The following TFE3 variants were observed in gnomAD, a reference collection of about 807,000 sequenced individuals.
TFE3 encodes the protein transcription factor E3.
A neutral mutation model predicts 35.0 loss-of-function variants in TFE3; 5 were observed. The ratio of observed to expected loss-of-function variants is 0.14; its 90% confidence interval spans 0.07 to 0.30. TFE3 has a LOEUF of 0.30. Ranked by LOEUF, TFE3 falls within the 10% of genes least tolerant of loss-of-function variation. TFE3 has a pLI of 1.00. For missense variants in TFE3, 374 were observed against 496.6 expected (o/e 0.75, Z 2.35); for synonymous variants, 211 against 215.6 (o/e 0.98, Z 0.18).
chrX:49,032,807 G>A (rs1211400250), intron 8 of TFE3, among the ~76,000 whole-genome samples: 5 of 108,050 alleles, frequency 4.6e-5, no homozygotes, highest in African/African-American at 1.4e-4. Flanking sequence ...CCCGAGTAGC[G>A]GGGATTACAG....
chrX:49,030,412 G>T lies in TFE3; in HGVS notation c.1474C>A (p.Pro492Thr), dbSNP rs782790681. The change falls in exon 10 of 10, where the codon CCC (proline) becomes ACC (threonine). Residue 492 changes from proline to threonine, a missense_variant. This residue lies in a region of TFE3 where 117 missense variants were observed against 111.9 expected (regional missense o/e 1.05). Transcript: ENST00000315869. Reference protein sequence around the residue: ...GPAQNAPHQQPPAPPSDALLD... With the variant: ...GPAQNAPHQQTPAPPSDALLD... ...AGGGCATCTGAGGGCGGTGCAGGGG[G>T]CTGCTGATGGGGAGCATTCTGGGCA... 2.2e-5 allele frequency: 27 copies of T among 1,209,068 alleles called. No homozygotes were observed. The highest frequency in any genetic ancestry group is 2.9e-5 in the Non-Finnish European group (26 of 894,906).
Position 49,030,038 on chromosome X carries a change from C to T in TFE3, c.*120G>A. 1.3e-6 allele frequency: 1 copy of T among 795,326 alleles called. No individual in the cohort carries two copies. The highest frequency in any genetic ancestry group is 1.8e-6 in the Non-Finnish European group (1 of 547,814). 65.5% of individuals were successfully genotyped at this position (795,326 alleles called of 1,213,427 possible). A position where few individuals can be genotyped will look rare whatever the true frequency, so the allele number is the denominator to read the frequency against. On this transcript the variant is annotated 3_prime_UTR_variant, in exon 10 of 10. Coordinates refer to ENST00000315869, the MANE Select transcript of TFE3 (RefSeq NM_006521.6). ...GGGGTGGGGCCTGATCACATCTCCT[C>T]TTCCCCCAGGATACCTGGGCAGGGC...
chrX:49,032,935 G>A (rs782537140), intron 8 of TFE3, among the ~76,000 whole-genome samples: 1 of 111,705 alleles, frequency 9.0e-6, no homozygotes, highest in Non-Finnish European at 1.9e-5. Flanking sequence ...CAAAGTGCCA[G>A]GATTACAAGT....
intron 1 of TFE3, among the ~76,000 whole-genome samples, chrX:49,041,993 A>C (rs3788818): frequency 1.2e-5 from 1 of 85,069 alleles, no homozygotes; most frequent in East Asian, 4.1e-4. Context: ...GCTCAGCACA[A>C]TCCCAGGCAC....
intron 1 of TFE3, among the ~76,000 whole-genome samples, chrX:49,041,275 A>C (rs1460526539): frequency 9.4e-6 from 1 of 105,974 alleles, no homozygotes; most frequent in Non-Finnish European, 1.9e-5. Flanking sequence ...GCCCAGGTAT[A>C]TGTGTGTACA....
chrX:49,040,513 C>T lies in TFE3; in HGVS notation c.172G>A (p.Val58Ile), dbSNP rs1557075550. 2.5e-6 allele frequency: 3 copies of T among 1,210,994 alleles called. No individual in the cohort carries two copies. Among genetic ancestry groups the T allele is most frequent in the African/African-American group, 1.7e-5 (1 of 57,585 alleles). Residue 58 changes from valine (V) to isoleucine (I), a missense_variant, in exon 2 of 10, where the codon GTC becomes ATC. This residue lies in a region of TFE3 where 90 missense variants were observed against 87.5 expected (regional missense o/e 1.03). Transcript: ENST00000315869. ...TCGTAGAAGCTGTCAGGATCAAGGA[C>T]GTTTTCTAATTCTATGTCAGCAACA... ...GIVADIELEN[V>I]LDPDSFYELK...
chrX:49,037,131 C>T (rs1037019442), intron 5 of TFE3, among the ~76,000 whole-genome samples: 1 of 110,830 alleles, frequency 9.0e-6, no homozygotes, highest in South Asian at 3.8e-4. Flanking sequence ...GGGTGAAACC[C>T]GGTCTCTACT....
rs1557076019 is a variant in TFE3 at position 49,043,198 on chromosome X, T to A, written c.29A>T (p.Asp10Val). Reference sequence around the variant, plus strand: ...GCCCTCCGCGCTGGCCTCTACGCCATCCCGAGCTGGTTCGGCCGCATGAGA... The same window carrying A: ...GCCCTCCGCGCTGGCCTCTACGCCAACCCGAGCTGGTTCGGCCGCATGAGA... MSHAAEPAR[D>V]GVEASAEGPR... Residue 10 changes from aspartate (D) to valine (V), a missense_variant, in exon 1 of 10, where the codon GAT (aspartate) becomes GTT (valine). Coordinates refer to ENST00000315869, the MANE Select transcript of TFE3 (RefSeq NM_006521.6). The A allele has an allele frequency of 8.5e-7, 1 of 1,177,840 alleles. No individual in the cohort carries two copies. The highest frequency in any genetic ancestry group is 1.8e-5 in the African/African-American group (1 of 56,913).
chrX:49,040,380 G>C, intron 2 of TFE3, 75 bp downstream of exon 2: 1 of 797,632 alleles, frequency 1.3e-6, no homozygotes, highest in Middle Eastern at 2.9e-4. Context: ...CTGGTACTGA[G>C]GGCCTCTGCC....
chrX:49,035,508 G>A (rs1205113092), intron 5 of TFE3, among the ~76,000 whole-genome samples: 2 of 87,894 alleles, frequency 2.3e-5, no homozygotes, highest in African/African-American at 8.6e-5. Flanking sequence ...CCGGGTTCAC[G>A]CCATTCTCCT....
Position 49,028,987 on chromosome X carries a change from A to C in TFE3, c.*1171T>G. The C allele has an allele frequency of 1.7e-5, 3 of 173,846 alleles. No homozygotes were observed. The highest frequency in any genetic ancestry group is 3.3e-5 in the Non-Finnish European group (3 of 90,443). 14.3% of individuals were successfully genotyped at this position (173,846 alleles called of 1,213,427 possible). On this transcript the variant is annotated 3_prime_UTR_variant, in exon 10 of 10. Coordinates refer to ENST00000315869, the MANE Select transcript of TFE3 (RefSeq NM_006521.6). Reference sequence around the variant, plus strand: ...TTCTCAGTATGCGGAGCAATAAAAAAATCAGATAAACAAATGAGGGGGTAC... The same window carrying C: ...TTCTCAGTATGCGGAGCAATAAAAACATCAGATAAACAAATGAGGGGGTAC...
intron 8 of TFE3, among the ~76,000 whole-genome samples, chrX:49,032,296 A>T (rs1314905583): frequency 9.0e-6 from 1 of 110,996 alleles, no homozygotes; most frequent in African/African-American, 3.3e-5. Context: ...GAGCAGTGGC[A>T]CAATCTTGGC....
chrX:49,032,625 C>A (rs1557073937), intron 8 of TFE3, among the ~76,000 whole-genome samples: 1 of 110,814 alleles, frequency 9.0e-6, no homozygotes, highest in East Asian at 2.8e-4. Flanking sequence ...CCCGCCTCGG[C>A]CTCCCAAAGT....
chrX:49,033,929 A>T, intron 6 of TFE3, 147 bp from the exon 7 acceptor site: 1 of 725,743 alleles, frequency 1.4e-6, no homozygotes, highest in Non-Finnish European at 2.1e-6. Flanking sequence ...CCATGGTGAT[A>T]GGCTGGTTGT....
chrX:49,031,190 A>T (rs1194269937), intron 9 of TFE3, among the ~76,000 whole-genome samples: 1 of 112,110 alleles, frequency 8.9e-6, no homozygotes, highest in East Asian at 2.8e-4. Context: ...AGAGCACAAG[A>T]TAAATGCTAT....
At chrX:49,040,103 G>A (rs782036553) in intron 2 of TFE3, among the ~76,000 whole-genome samples, 20 of 110,386 alleles carry the variant, frequency 1.8e-4, no homozygotes, top group African/African-American at 5.9e-4. Context: ...GGACTGAGTT[G>A]GGGCTAGAGG....
In TFE3 at chrX:49,031,553, C is replaced by T. The variant is rs782683383; in HGVS notation, c.1137-9G>A. 11 of 1,168,147 alleles carry T rather than the reference C, an allele frequency of 9.4e-6. No homozygotes were observed. Among genetic ancestry groups the T allele is most frequent in the Middle Eastern group, 2.4e-4 (1 of 4,217 alleles). On this transcript the variant is annotated splice_polypyrimidine_tract_variant and intron_variant, in intron 8 of 9. Coordinates refer to ENST00000315869, the MANE Select transcript of TFE3 (RefSeq NM_006521.6). The stretch of plus-strand genomic sequence containing the variant: ...TGTTCCAGCGCATCTCCCTGTGGGG[C>T]CCAAGTGGGAGGCAAGCAGGAAATG...
At chrX:49,036,418 G>T (rs2064729709) in intron 5 of TFE3, among the ~76,000 whole-genome samples, 2 of 11,053 alleles carry the variant, frequency 1.8e-4, no homozygotes, top group African/African-American at 1.9e-4. Flanking sequence ...AATGAGCAGA[G>T]ATCGCACATT....
chrX:49,043,102 G>A lies in TFE3; in HGVS notation c.116+9C>T, dbSNP rs782452603. On this transcript the variant is annotated intron_variant, in intron 1 of 9. Coordinates refer to ENST00000315869, the MANE Select transcript of TFE3 (RefSeq NM_006521.6). ...CAGTCGGCACTCCCAGCCCCAGGCG[G>A]CCCCGCACCTGAGCAGCTGAGCCGA... is the stretch of plus-strand genomic sequence containing the variant. 4.3e-6 allele frequency: 5 copies of A among 1,157,324 alleles called. No individual in the cohort carries two copies. The highest frequency in any genetic ancestry group is 5.7e-6 in the Non-Finnish European group (5 of 869,817).
Sources: gnomAD v4.1 joint callset for allele counts (sites outside exome capture counted in the v4.1 genomes callset) on GRCh38, gnomAD v4.1.1 for gene constraint, gnomAD v4.1.1 regional missense constraint, MANE v1.5 for transcripts, NCBI Gene and HGNC (gene_info 2026-07-23, HGNC 2026-07-21) for gene names.